The following MARCHF10 variants were observed in gnomAD, a reference collection of about 807,000 sequenced individuals.
The protein encoded by MARCHF10 is membrane associated ring-CH-type finger 10, also known as probable E3 ubiquitin-protein ligase MARCHF10.
Under a neutral mutation model 76.2 loss-of-function variants are expected in MARCHF10, and 64 were observed. That is an observed-to-expected ratio of 0.84 (90% CI 0.69 to 1.03). The LOEUF is 1.03. MARCHF10 is among the 50% of genes least tolerant of loss of function. The probability of loss-of-function intolerance (pLI) is 0.00; values close to 1 mark genes in which losing one functional copy is unlikely to be tolerated. For synonymous variants in MARCHF10, 340 were observed against 357.5 expected, an observed-to-expected ratio of 0.95 and a Z score of 0.55; for missense variants, 875 against 958.0, an observed-to-expected ratio of 0.91 and a Z score of 1.14.
intron 3 of MARCHF10, among the ~76,000 whole-genome samples, chr17:62,778,743 A>C (rs2148054409): frequency 6.6e-6 from 1 of 152,090 alleles, no homozygotes; most frequent in Non-Finnish European, 1.5e-5. Flanking sequence ...AGGCAGGTAA[A>C]AGTGGACAGA....
intron 4 of MARCHF10, among the ~76,000 whole-genome samples, chr17:62,751,492 T>TC (rs2091896886): frequency 6.6e-6 from 1 of 152,174 alleles, no homozygotes; most frequent in Non-Finnish European, 1.5e-5. Context: ...AGCAAGGATC[T>TC]GAGACAGCTG....
chr17:62,725,695 C>A (rs372027589), intron 6 of MARCHF10, among the ~76,000 whole-genome samples: 2 of 152,234 alleles, frequency 1.3e-5, no homozygotes, highest in East Asian at 1.9e-4. Context: ...AAACTGGAGT[C>A]AAGGCCAGGA....
At chr17:62,745,568 C>T (rs1403361754) in intron 4 of MARCHF10, among the ~76,000 whole-genome samples, 1 of 152,132 alleles carries the variant, frequency 6.6e-6, no homozygotes, top group Non-Finnish European at 1.5e-5. Context: ...TATTTATATC[C>T]TCAGGTTTAT....
At position 62,759,042 on chromosome 17, in the gene MARCHF10, A is replaced by T. The variant is rs182012896; in HGVS notation, c.382+793T>A. 1.1e-4 allele frequency among the ~76,000 whole-genome samples: 17 copies of T among 152,352 alleles called. No individual in the cohort carries two copies. In the East Asian group the frequency reaches 2.9e-3, roughly 26 times the overall value. On this transcript the variant is annotated intron_variant, in intron 4 of 10. Transcript: ENST00000311269. ...GGTCTTTACTCTAAGGCAGCTAAAG[A>T]GTGACTATTTTTCCAAATTGCACAA...
chr17:62,724,261 C>T (rs1415519069), intron 7 of MARCHF10, among the ~76,000 whole-genome samples: 3 of 151,672 alleles, frequency 2.0e-5, no homozygotes, highest in Non-Finnish European at 4.4e-5. Flanking sequence ...GTTCTCTGCC[C>T]AGAAAACTAC....
intron 4 of MARCHF10, among the ~76,000 whole-genome samples, chr17:62,756,466 A>G (rs558561909): frequency 1.3e-5 from 2 of 152,320 alleles, no homozygotes; most frequent in African/African-American, 4.8e-5. Flanking sequence ...CAATCAGTCA[A>G]TCAATAAAAT....
At chr17:62,783,779 A>C (rs2092702630) in intron 3 of MARCHF10, among the ~76,000 whole-genome samples, 1 of 152,228 alleles carries the variant, frequency 6.6e-6, no homozygotes, top group Non-Finnish European at 1.5e-5. Context: ...TCTAGAAGAA[A>C]TGGATAAACT....
chr17:62,742,348 G>A (rs746941265), intron 5 of MARCHF10, among the ~76,000 whole-genome samples: 2 of 152,072 alleles, frequency 1.3e-5, no homozygotes, highest in Non-Finnish European at 2.9e-5. Flanking sequence ...TTAGGTATTT[G>A]TGTTTTTCTT....
rs2093061567 is a variant in MARCHF10, at chr17:62,800,943, A to AGGGC, written c.90+699_90+702dup. Among the ~76,000 whole-genome samples the AGGGC allele has an allele frequency of 4.6e-5, 7 of 152,162 alleles. No homozygotes were observed. In the South Asian group the frequency reaches 1.2e-3, roughly 27 times the overall value. ...TTTCTTCTGGTGGGGATGACAACGA[A>AGGGC]GGGCGTGTTATTTTACAAATGGTAG... On this transcript the variant is annotated intron_variant, in intron 2 of 10. Coordinates refer to ENST00000311269, the MANE Select transcript of MARCHF10 (RefSeq NM_152598.4).
At chr17:62,704,946 GTT>G (rs36050741) in intron 10 of MARCHF10, 451 of 832,934 alleles carry the variant, frequency 5.4e-4, no homozygotes, top group Non-Finnish European at 5.7e-4. Context: ...TTCTCCAGTC[GTT>G]TTTTTTTTTT....
intron 8 of MARCHF10, among the ~76,000 whole-genome samples, chr17:62,720,862 T>C (rs1161393393): frequency 1.4e-5 from 1 of 74,024 alleles, no homozygotes; most frequent in East Asian, 3.1e-4. Flanking sequence ...AAGTTGTGAT[T>C]TTTTTTTTTT....
intron 2 of MARCHF10, among the ~76,000 whole-genome samples, chr17:62,801,402 C>T (rs1012855905): frequency 6.6e-6 from 1 of 151,146 alleles, no homozygotes. Context: ...ATCCGCCCGC[C>T]TCGGCCTCCC....
intron 7 of MARCHF10, 88 bp from the exon 8 acceptor site, chr17:62,722,685 T>A: frequency 9.5e-7 from 1 of 1,054,578 alleles, no homozygotes; most frequent in Non-Finnish European, 1.4e-6. Context: ...GGGAGTGAAC[T>A]TGTGTGTGTT....
At chr17:62,708,523 T>C (rs531713110) in intron 9 of MARCHF10, among the ~76,000 whole-genome samples, 36 of 152,288 alleles carry the variant, frequency 2.4e-4, no homozygotes, top group African/African-American at 7.9e-4. Flanking sequence ...GGATTAAAGG[T>C]GTGAGCCACC....
Position 62,724,920 on chromosome 17 carries a change from A to C in MARCHF10, c.2104+18T>G. On this transcript the variant is annotated intron_variant, in intron 7 of 10. Transcript: ENST00000311269. ...TTACATGTCGTGGCACGTTCACTGCACTTCCTTCCCCACCTACCTGATGTT... is the reference window on the plus strand; with the variant it reads ...TTACATGTCGTGGCACGTTCACTGCCCTTCCTTCCCCACCTACCTGATGTT... 6.2e-7 allele frequency: 1 copy of C among 1,609,918 alleles called. No homozygotes were observed. Among genetic ancestry groups the C allele is most frequent in the Non-Finnish European group, 8.5e-7 (1 of 1,178,490 alleles).
At chr17:62,737,410 T>C in intron 5 of MARCHF10, 78 bp from the exon 6 acceptor site, 1 of 1,406,444 alleles carries the variant, frequency 7.1e-7, no homozygotes, top group Non-Finnish European at 9.8e-7. Context: ...AAGTGCAAAA[T>C]TGCCCTTTAA....
intron 2 of MARCHF10, among the ~76,000 whole-genome samples, chr17:62,790,174 A>G (rs956641928): frequency 6.6e-6 from 1 of 152,026 alleles, no homozygotes; most frequent in African/African-American, 2.4e-5. Context: ...CAAAATAGTA[A>G]AAGTTTTTTT....
At chr17:62,708,367 T>TC (rs2089720440) in intron 9 of MARCHF10, among the ~76,000 whole-genome samples, 1 of 151,490 alleles carries the variant, frequency 6.6e-6, no homozygotes, top group East Asian at 2.0e-4. Context: ...TGCCTCAGCC[T>TC]CCCCAGCAGC....
intron 3 of MARCHF10, among the ~76,000 whole-genome samples, chr17:62,777,728 G>A (rs4058469): frequency 0.47 from 58,280 of 124,906 alleles, 15,061 homozygotes; most frequent in East Asian, 0.67. Flanking sequence ...AAAAAAAAAA[G>A]AAAAAAAAAA....
Sources: allele counts gnomAD v4.1 joint callset (sites outside exome capture counted in the v4.1 genomes callset), GRCh38; gene constraint gnomAD v4.1.1; transcripts MANE v1.5; gene names NCBI Gene and HGNC (gene_info 2026-07-23, HGNC 2026-07-21).